Variants in DYNC2H1 observed in about 807,000 individuals in gnomAD.
The protein encoded by DYNC2H1 is cytoplasmic dynein 2 heavy chain 1.
In DYNC2H1, 410 loss-of-function variants were observed where a neutral mutation model predicts 570.0. The ratio of observed to expected loss-of-function variants is 0.72; its 90% confidence interval spans 0.66 to 0.78. The LOEUF (loss-of-function observed/expected upper bound fraction) is 0.78. Among genes scored for constraint, DYNC2H1 ranks in the 30% least tolerant of loss-of-function variants. The probability of loss-of-function intolerance (pLI) is 0.00; values close to 1 mark genes in which losing one functional copy is unlikely to be tolerated. For synonymous variants in DYNC2H1, 1,688 were observed against 1,677.6 expected (o/e 1.01, Z -0.15); for missense variants, 4,865 against 5,046.4 (o/e 0.96, Z 1.09).
Position 103,158,696 on chromosome 11 carries a change from A to G in DYNC2H1, c.4147A>G (p.Lys1383Glu). Residue 1383 changes from lysine (K) to glutamate (E), a missense_variant, in exon 27 of 89, where the codon AAG becomes GAG. Coordinates refer to ENST00000375735, the MANE Select transcript of DYNC2H1 (RefSeq NM_001377.3). Reference sequence around the variant, plus strand: ...TTGTAGATCAATAATGACTGATATCAAGAAAGACAATAGAGTCACAACATT... The same window carrying G: ...TTGTAGATCAATAATGACTGATATCGAGAAAGACAATAGAGTCACAACATT... ...EDFRSIMTDIKKDNRVTTLTT... is the reference protein window; with the variant it reads ...EDFRSIMTDIEKDNRVTTLTT... 1 of 1,524,434 alleles carries G rather than the reference A, an allele frequency of 6.6e-7. No homozygotes were observed. The highest frequency in any genetic ancestry group is 8.8e-7 in the Non-Finnish European group (1 of 1,130,128). The allele number at this position is 1,524,434 out of a possible 1,614,324, so 94.4% of individuals were successfully genotyped here. A position where few individuals can be genotyped will look rare whatever the true frequency, so the allele number is the denominator to read the frequency against.
rs754363596 is a variant in DYNC2H1, at chr11:103,135,546, C to G, written c.2257C>G (p.Leu753Val). Residue 753 changes from leucine (L) to valine (V), a missense_variant, in exon 16 of 89, where the codon CTG becomes GTG. Physicochemically the swap from Leu to Val is conservative, Grantham distance 32. Around this residue, in one of 5 missense-constraint regions of DYNC2H1, gnomAD observed 1,936 missense variants for 1,962.1 expected, o/e 0.99. Transcript: ENST00000375735. ...ATGGAAACAACACTGGAATCATCAA[C>G]TGTACAAAGCTCTGGAGCATCAGTA... is the stretch of plus-strand genomic sequence containing the variant. ...HAWKQHWNHQ[L>V]YKALEHQYQM... 9 of 1,606,754 alleles carry G rather than the reference C, an allele frequency of 5.6e-6. No homozygotes were observed. The highest frequency in any genetic ancestry group is 1.3e-5 in the African/African-American group (1 of 74,746).
Position 103,152,199 on chromosome 11 carries a change from G to T in DYNC2H1, c.3010G>T (p.Gly1004Cys). Residue 1004 changes from glycine to cysteine, a missense_variant, in exon 21 of 89, where the codon GGT becomes TGT. Gly to Cys is a radical substitution (Grantham distance 159). Around this residue, in one of 5 missense-constraint regions of DYNC2H1, gnomAD observed 1,936 missense variants for 1,962.1 expected, o/e 0.99. Coordinates refer to ENST00000375735, the MANE Select transcript of DYNC2H1 (RefSeq NM_001377.3). ...NRLLRTVAGG[G>C]LETISNLKAK... is the part of the protein sequence containing the mutation. Reference sequence around the variant, plus strand: ...ACTTTTACGAACTGTGGCTGGTGGAGGTTTAGAAACAATTAGTAATTTGAA... The same window carrying T: ...ACTTTTACGAACTGTGGCTGGTGGATGTTTAGAAACAATTAGTAATTTGAA... 6.2e-7 allele frequency: 1 copy of T among 1,608,334 alleles called. No individual in the cohort carries two copies. Among genetic ancestry groups the T allele is most frequent in the Non-Finnish European group, 8.5e-7 (1 of 1,178,030 alleles).
chr11:103,178,707 T>C (rs979450310), intron 38 of DYNC2H1, among the ~76,000 whole-genome samples: 2 of 152,080 alleles, frequency 1.3e-5, no homozygotes, highest in African/African-American at 4.8e-5. Context: ...TTCTAAAAGA[T>C]ATACAACAGA....
rs1862613932 is a variant in DYNC2H1, at chr11:103,199,062, C to T, written c.7840-166C>T. ...CCTTAGAGAATGCCAATATATTTAT[C>T]CAGGATTACCAGACATATAAAATAT... On this transcript the variant is annotated intron_variant, in intron 48 of 88. Transcript: ENST00000375735. The surrounding 1 kb of genome is among the most constrained non-coding windows in gnomAD (Gnocchi z 4.6). 6.6e-6 allele frequency among the ~76,000 whole-genome samples: 1 copy of T among 152,008 alleles called. No individual in the cohort carries two copies. The highest frequency in any genetic ancestry group is 2.4e-5 in the African/African-American group (1 of 41,368).
At chr11:103,119,441 G>C (rs1243266415) in intron 6 of DYNC2H1, among the ~76,000 whole-genome samples, 1 of 152,114 alleles carries the variant, frequency 6.6e-6, no homozygotes, top group Non-Finnish European at 1.5e-5. Context: ...CCAGGATCAA[G>C]CAGTTCTCCT....
rs1420095948 is a variant in DYNC2H1, at chr11:103,399,844, A to G, written c.12338A>G (p.Lys4113Arg). 2.5e-6 allele frequency: 4 copies of G among 1,613,766 alleles called. No homozygotes were observed. The South Asian group carries it at 4.4e-5, about 18-fold the overall frequency. Residue 4113 changes from lysine (K) to arginine (R), a missense_variant, in exon 84 of 89, where the codon AAA becomes AGA. Coordinates refer to ENST00000375735, the MANE Select transcript of DYNC2H1 (RefSeq NM_001377.3). ...GTTLLSSEVQKLASALLNQKC... is the reference protein window; with the variant it reads ...GTTLLSSEVQRLASALLNQKC... The stretch of plus-strand genomic sequence containing the variant: ...ACTTTACTGAGTTCAGAAGTACAAA[A>G]ATTGGCAAGTGCTTTATTAAACCAA...
rs920324434 is a variant in DYNC2H1 at position 103,439,082 on chromosome 11, T to C, written c.12456+3050T>C. 6.6e-6 allele frequency among the ~76,000 whole-genome samples: 1 copy of C among 152,110 alleles called. No individual in the cohort carries two copies. The highest frequency in any genetic ancestry group is 2.4e-5 in the African/African-American group (1 of 41,414). On this transcript the variant is annotated intron_variant, in intron 85 of 88. Coordinates refer to ENST00000375735, the MANE Select transcript of DYNC2H1 (RefSeq NM_001377.3). The surrounding 1 kb of genome is among the most constrained non-coding windows in gnomAD (Gnocchi z 4.1). ...TAAACAAAATAGACATACATCTTGT[T>C]CTCCAGGAACTATCCTTACAACTTA...
intron 83 of DYNC2H1, among the ~76,000 whole-genome samples, chr11:103,372,023 TGTCTTG>T (rs1565536297): frequency 1.5e-5 from 2 of 135,116 alleles, no homozygotes; most frequent in African/African-American, 2.8e-5. Context: ...TGGGCAACTT[TGTCTTG>T]TTCTTTTTTT....
chr11:103,441,881 T>G, intron 85 of DYNC2H1, among the ~76,000 whole-genome samples: 1 of 152,176 alleles, frequency 6.6e-6, no homozygotes, highest in Admixed American at 6.6e-5. Flanking sequence ...TCTTACTGTA[T>G]TTTGGAAGGT....
intron 79 of DYNC2H1, among the ~76,000 whole-genome samples, chr11:103,315,522 T>C (rs1937774387): frequency 1.3e-5 from 2 of 149,478 alleles, no homozygotes; most frequent in Non-Finnish European, 3.0e-5. Context: ...CAGCCCTCTT[T>C]TTCATGTCTT....
rs762279080 is a variant in DYNC2H1 at position 103,207,241 on chromosome 11, TTAAAA to T, written c.8454+2278_8454+2282del. Among the ~76,000 whole-genome samples, 2 of 25,428 alleles carry T rather than the reference TTAAAA, an allele frequency of 7.9e-5. 1 individual carries two copies. Among genetic ancestry groups the T allele is most frequent in the East Asian group, 1.6e-3 (2 of 1,230 alleles). 16.7% of individuals were successfully genotyped at this position (25,428 alleles called of 152,430 possible). On this transcript the variant is annotated intron_variant, in intron 52 of 88. Coordinates refer to ENST00000375735, the MANE Select transcript of DYNC2H1 (RefSeq NM_001377.3). Reference sequence around the variant, plus strand: ...TGGGCCTGTTTTTTTTTTTTTTTTTTTAAAAAAAGATGGGACACACTATAGTATGT... The same window carrying T: ...TGGGCCTGTTTTTTTTTTTTTTTTTTAAAGATGGGACACACTATAGTATGT...
Position 103,181,781 on chromosome 11 carries a change from T to C in DYNC2H1, c.6372T>C (p.Ser2124=), listed in dbSNP as rs1386325793. The change falls in exon 40 of 89, where the codon TCT becomes TCC. Residue 2124 remains serine, a synonymous_variant. Transcript: ENST00000375735. This position sits in a 1 kb window ranked among gnomAD's most constrained non-coding sequence, Gnocchi z 5.0. ...GTGATGAAGAGACAGATCTTAATTC[T>C]CTGATAAAATCTTGGTTGAGGAATC... is the stretch of plus-strand genomic sequence containing the variant. ...FLSDEETDLN[S]LIKSWLRNQP... is the part of the protein sequence containing the mutation. 2.4e-5 allele frequency: 37 copies of C among 1,568,190 alleles called. No individual in the cohort carries two copies. The East Asian group carries it at 8.6e-4, about 36-fold the overall frequency.
intron 17 of DYNC2H1, among the ~76,000 whole-genome samples, chr11:103,139,161 C>G (rs931653405): frequency 6.6e-6 from 1 of 152,124 alleles, no homozygotes; most frequent in East Asian, 1.9e-4. Flanking sequence ...TTTCAAAAAA[C>G]CAGTTCCTGG....
At position 103,309,168 on chromosome 11, in the gene DYNC2H1, A is replaced by ATTTTTTTTTTTTTTTTT. The variant is rs386374721; in HGVS notation, c.11493+1345_11493+1361dup. ...TTATTAGTGTTTGTAACTGCATGCT[A>ATTTTTTTTTTTTTTTTT]TTTTTTTTTTTTTTTTTTTTTTTTG... On this transcript the variant is annotated intron_variant, in intron 78 of 88. Transcript: ENST00000375735. Among the ~76,000 whole-genome samples, 35 of 54,638 alleles carry ATTTTTTTTTTTTTTTTT rather than the reference A, an allele frequency of 6.4e-4. 4 individuals are homozygous for ATTTTTTTTTTTTTTTTT. The highest frequency in any genetic ancestry group is 8.4e-4 in the African/African-American group (13 of 15,540). 35.8% of individuals were successfully genotyped at this position (54,638 alleles called of 152,430 possible). A position where few individuals can be genotyped will look rare whatever the true frequency, so the allele number is the denominator to read the frequency against.
chr11:103,127,879 G>A (rs1285417571), intron 12 of DYNC2H1, among the ~76,000 whole-genome samples: 2 of 152,202 alleles, frequency 1.3e-5, no homozygotes, highest in Non-Finnish European at 2.9e-5. Context: ...GCAGTGTTAG[G>A]CAGTGATAGT....
intron 75 of DYNC2H1, among the ~76,000 whole-genome samples, chr11:103,294,501 G>A (rs1376394353): frequency 2.6e-5 from 4 of 152,160 alleles, no homozygotes; most frequent in African/African-American, 7.2e-5. Flanking sequence ...GTGGACCTTA[G>A]GAAGATAAGG....
chr11:103,463,403 G>A (rs1028069997), intron 87 of DYNC2H1, among the ~76,000 whole-genome samples: 7 of 152,118 alleles, frequency 4.6e-5, no homozygotes, highest in African/African-American at 1.7e-4. Context: ...GTTGCTGGTC[G>A]AATCCAGTTC....
Position 103,273,111 on chromosome 11 carries a change from AT to A in DYNC2H1, c.10696-7230del, listed in dbSNP as rs1048950666. On this transcript the variant is annotated intron_variant, in intron 70 of 88. Transcript: ENST00000375735. ...CTATTCAGAAAGCCTTAATTTATTC[AT>A]TTTTTTCTCCCTTCCCTTCCCTCCC... 3.3e-5 allele frequency among the ~76,000 whole-genome samples: 5 copies of A among 149,790 alleles called. No homozygotes were observed. In the East Asian group the frequency reaches 7.8e-4, roughly 23 times the overall value.
chr11:103,423,115 A>C (rs1943545213), intron 84 of DYNC2H1, among the ~76,000 whole-genome samples: 1 of 152,120 alleles, frequency 6.6e-6, no homozygotes, highest in African/African-American at 2.4e-5. Flanking sequence ...CATTATGAAG[A>C]TATTGTCATC....
Sources: allele counts gnomAD v4.1 joint callset (sites outside exome capture counted in the v4.1 genomes callset), GRCh38; gene constraint gnomAD v4.1.1; regional missense constraint gnomAD v4.1.1; non-coding constraint Gnocchi (gnomAD v3.1); transcripts MANE v1.5; gene names NCBI Gene and HGNC (gene_info 2026-07-23, HGNC 2026-07-21).